The following PDE4B variants were observed in gnomAD, a reference collection of about 807,000 sequenced individuals.
The protein encoded by PDE4B is phosphodiesterase 4B.
A neutral mutation model predicts 82.2 loss-of-function variants in PDE4B; 20 were observed. The observed-to-expected ratio is 0.24, with a 90% CI of 0.17 to 0.35. PDE4B has a LOEUF of 0.35. Ranked by LOEUF, PDE4B falls within the 10% of genes least tolerant of loss-of-function variation. The probability of loss-of-function intolerance (pLI) is 1.00; values close to 1 mark genes in which losing one functional copy is unlikely to be tolerated. For missense variants in PDE4B, 655 were observed against 907.2 expected (o/e 0.72, Z 3.57); for synonymous variants, 320 against 318.9 (o/e 1.00, Z -0.04).
intron 1 of PDE4B, among the ~76,000 whole-genome samples, chr1:65,859,578 G>A (rs557694426): frequency 8.6e-5 from 13 of 152,034 alleles, no homozygotes; most frequent in South Asian, 4.2e-4. Flanking sequence ...GATGTGGACC[G>A]TCATATAAAA....
chr1:66,301,009 G>A (rs896855128), intron 7 of PDE4B, among the ~76,000 whole-genome samples: 18 of 152,106 alleles, frequency 1.2e-4, no homozygotes, highest in Admixed American at 9.2e-4. Flanking sequence ...AGTAAAGAGC[G>A]AAAAAGAGTC....
intron 8 of PDE4B, chr1:66,354,862 T>G: frequency 6.5e-7 from 1 of 1,535,712 alleles, no homozygotes; most frequent in Non-Finnish European, 8.7e-7. Context: ...TGAGGCAAAT[T>G]ATTTGTTATC....
intron 3 of PDE4B, among the ~76,000 whole-genome samples, chr1:66,212,292 T>C (rs1261963011): frequency 4.6e-5 from 7 of 152,202 alleles, no homozygotes; most frequent in Admixed American, 3.9e-4. Flanking sequence ...GGCCTGACCC[T>C]CCATTACTTT....
chr1:65,795,316 T>G (rs4551569), intron 1 of PDE4B, among the ~76,000 whole-genome samples: 55,321 of 152,094 alleles, frequency 0.36, 11,041 homozygotes, highest in East Asian at 0.65. Flanking sequence ...AAAGATTTGG[T>G]GGTTAGTAAT....
rs560702826 is a variant in PDE4B at position 65,848,640 on chromosome 1, T to C, written c.-71+55392T>C. On this transcript the variant is annotated intron_variant, in intron 1 of 16. Transcript: ENST00000341517. ...AAAGTTTCATATAAATGGAATAATA[T>C]ATACTCTTTTGTGGCTGGCCTTTCT... Among the ~76,000 whole-genome samples, 14 of 152,342 alleles carry C rather than the reference T, an allele frequency of 9.2e-5. No homozygotes were observed. In the East Asian group the frequency reaches 2.3e-3, roughly 25 times the overall value.
At chr1:66,031,149 A>G (rs781172182) in intron 3 of PDE4B, among the ~76,000 whole-genome samples, 1 of 152,190 alleles carries the variant, frequency 6.6e-6, no homozygotes, top group African/African-American at 2.4e-5. Flanking sequence ...TAAATTGTAC[A>G]AAAAAACCCT....
At chr1:66,246,239 G>T (rs1653301472) in intron 3 of PDE4B, among the ~76,000 whole-genome samples, 2 of 152,158 alleles carry the variant, frequency 1.3e-5, no homozygotes, top group Non-Finnish European at 2.9e-5. Flanking sequence ...TACTTCACAG[G>T]GTTGTTAGGA....
At chr1:65,987,857 G>A (rs554761436) in intron 3 of PDE4B, among the ~76,000 whole-genome samples, 22 of 152,178 alleles carry the variant, frequency 1.4e-4, no homozygotes, top group African/African-American at 2.2e-4. Context: ...CAGGTGATCC[G>A]CCCGCATTGG....
intron 3 of PDE4B, among the ~76,000 whole-genome samples, chr1:66,106,403 T>C (rs1645357176): frequency 6.6e-6 from 1 of 152,164 alleles, no homozygotes; most frequent in Non-Finnish European, 1.5e-5. Flanking sequence ...ATTTCTCTTT[T>C]TTAGTTGTGT....
intron 3 of PDE4B, among the ~76,000 whole-genome samples, chr1:66,003,783 A>G (rs1331285006): frequency 6.6e-6 from 1 of 152,148 alleles, no homozygotes; most frequent in Non-Finnish European, 1.5e-5. Context: ...TATGGGATCT[A>G]AGTCTTTCTT....
At chr1:66,110,930 T>A (rs1380582085) in intron 3 of PDE4B, among the ~76,000 whole-genome samples, 1 of 152,070 alleles carries the variant, frequency 6.6e-6, no homozygotes, top group East Asian at 1.9e-4. Flanking sequence ...AAAAGCAGAA[T>A]TGGATAAGTC....
intron 3 of PDE4B, among the ~76,000 whole-genome samples, chr1:66,075,043 T>A (rs1456843258): frequency 6.6e-6 from 1 of 152,040 alleles, no homozygotes; most frequent in African/African-American, 2.4e-5. Context: ...CAATTTTTAC[T>A]GAAGTGGCAG....
chr1:65,816,905 A>C (rs1384592565), intron 1 of PDE4B, among the ~76,000 whole-genome samples: 1 of 152,246 alleles, frequency 6.6e-6, no homozygotes, highest in East Asian at 1.9e-4. Context: ...ACACAAATAC[A>C]TTCATAAACA....
chr1:66,231,978 G>A (rs1381365220), intron 3 of PDE4B, among the ~76,000 whole-genome samples: 1 of 152,174 alleles, frequency 6.6e-6, no homozygotes, highest in Non-Finnish European at 1.5e-5. Context: ...ACCTTAATTT[G>A]GCTTTGGGGA....
intron 3 of PDE4B, among the ~76,000 whole-genome samples, chr1:66,099,799 G>T (rs571715179): frequency 6.6e-6 from 1 of 152,170 alleles, no homozygotes; most frequent in South Asian, 2.1e-4. Flanking sequence ...ATGTGGTCTT[G>T]TCATGGAGCA....
At chr1:65,933,249 A>G (rs969426446) in intron 3 of PDE4B, among the ~76,000 whole-genome samples, 5 of 152,198 alleles carry the variant, frequency 3.3e-5, no homozygotes, top group Non-Finnish European at 7.3e-5. Flanking sequence ...CATAAAACTA[A>G]AAGTGGATTT....
intron 1 of PDE4B, among the ~76,000 whole-genome samples, chr1:65,888,582 G>A (rs1023662135): frequency 6.6e-6 from 1 of 152,046 alleles, no homozygotes; most frequent in African/African-American, 2.4e-5. Flanking sequence ...TCATGAGCAG[G>A]GGATGTCTTT....
At chr1:65,844,447 C>T (rs1486749970) in intron 1 of PDE4B, among the ~76,000 whole-genome samples, 7 of 152,028 alleles carry the variant, frequency 4.6e-5, no homozygotes, top group Admixed American at 2.0e-4. Context: ...TCTCGCAGAC[C>T]GTTGTGTTCT....
At chr1:65,959,322 G>A (rs1390857153) in intron 3 of PDE4B, among the ~76,000 whole-genome samples, 1 of 152,180 alleles carries the variant, frequency 6.6e-6, no homozygotes, top group Non-Finnish European at 1.5e-5. Flanking sequence ...TAGTGTGTAT[G>A]TATGGTAATT....
Sources: gnomAD v4.1 joint callset for allele counts (sites outside exome capture counted in the v4.1 genomes callset) on GRCh38, gnomAD v4.1.1 for gene constraint, MANE v1.5 for transcripts, NCBI Gene and HGNC (gene_info 2026-07-23, HGNC 2026-07-21) for gene names.